The following RBFOX3 variants were observed in gnomAD, a reference collection of about 807,000 sequenced individuals.
The protein encoded by RBFOX3 is RNA binding protein fox-1 homolog 3.
In RBFOX3, 17 loss-of-function variants were observed where a neutral mutation model predicts 48.7. The observed-to-expected ratio is 0.35, with a 90% CI of 0.24 to 0.52. The LOEUF (loss-of-function observed/expected upper bound fraction) is 0.52. RBFOX3 is among the 20% of genes least tolerant of loss of function. RBFOX3 has a pLI of 0.94. For synonymous variants in RBFOX3, 212 were observed against 209.5 expected, an observed-to-expected ratio of 1.01 and a Z score of -0.10; for missense variants, 382 against 497.5, an observed-to-expected ratio of 0.77 and a Z score of 2.21.
Position 79,473,639 on chromosome 17 carries a change from C to A in RBFOX3, c.-175+8815G>T, listed in dbSNP as rs1246681928. Among the ~76,000 whole-genome samples, 7 of 152,188 alleles carry A rather than the reference C, an allele frequency of 4.6e-5. No homozygotes were observed. Among genetic ancestry groups the A allele is most frequent in the African/African-American group, 9.7e-5 (4 of 41,434 alleles). ...CCCATAATGTTGACATCCTGATGAA[C>A]CCCCGCTGGTGACGGCAGGTGGCCA... On this transcript the variant is annotated intron_variant, in intron 2 of 14. Transcript: ENST00000693108. The surrounding 1 kb of genome is among the most constrained non-coding windows in gnomAD (Gnocchi z 4.2).
chr17:79,571,174 G>T (rs2092665294), intron 1 of RBFOX3, among the ~76,000 whole-genome samples: 1 of 152,122 alleles, frequency 6.6e-6, no homozygotes, highest in Non-Finnish European at 1.5e-5. Context: ...GTAGCATCAG[G>T]CATTCAAGAT....
intron 2 of RBFOX3, among the ~76,000 whole-genome samples, chr17:79,322,541 C>T (rs111322018): frequency 6.6e-6 from 1 of 152,156 alleles, no homozygotes. Flanking sequence ...TGGAGAAGCT[C>T]GCTTTCACAG....
intron 1 of RBFOX3, among the ~76,000 whole-genome samples, chr17:79,582,782 CA>C (rs36155299): frequency 0.053 from 2,496 of 46,806 alleles, 23 homozygotes; most frequent in Admixed American, 0.11. Flanking sequence ...GACCCCGTCT[CA>C]AAAAAAAAAA....
At chr17:79,113,727 ACC>A (rs981657489) in intron 5 of RBFOX3, among the ~76,000 whole-genome samples, 1 of 152,160 alleles carries the variant, frequency 6.6e-6, no homozygotes, top group African/African-American at 2.4e-5. Flanking sequence ...GGCAAGCCAG[ACC>A]CAAGCCAGCC....
At chr17:79,093,791 C>CCACACACACACA (rs60453390) in intron 14 of RBFOX3, among the ~76,000 whole-genome samples, 1,451 of 143,908 alleles carry the variant, frequency 0.01, 13 homozygotes, top group Non-Finnish European at 0.015. Context: ...CAACAGCTGG[C>CCACACACACACA]CACACACACA....
rs781048287 is a variant in RBFOX3, at chr17:79,115,544, G to A, written c.172C>T (p.Pro58Ser). The A allele has an allele frequency of 7.4e-7, 1 of 1,342,364 alleles. No homozygotes were observed. The highest frequency in any genetic ancestry group is 9.6e-7 in the Non-Finnish European group (1 of 1,044,268). The allele number at this position is 1,342,364 out of a possible 1,614,324, so 83.2% of individuals were successfully genotyped here. A position where few individuals can be genotyped will look rare whatever the true frequency, so the allele number is the denominator to read the frequency against. Reference sequence around the variant, plus strand: ...GGCTGTGTGCTGGCCTCGGAGCCTGGCTGCTCGGGGTGGGTCTGTGCTGGT... The same window carrying A: ...GGCTGTGTGCTGGCCTCGGAGCCTGACTGCTCGGGGTGGGTCTGTGCTGGT... ...YTPAQTHPEQPGSEASTQPIA... is the reference protein window; with the variant it reads ...YTPAQTHPEQSGSEASTQPIA... Residue 58 changes from proline to serine, a missense_variant, in exon 5 of 15, where the codon CCA becomes TCA. By Grantham distance (74) the Pro-to-Ser change is moderately conservative. Around this residue, in one of 3 missense-constraint regions of RBFOX3, gnomAD observed 118 missense variants for 132.1 expected, o/e 0.89. Transcript: ENST00000693108.
the RBFOX3 span, among the ~76,000 whole-genome samples, chr17:79,631,384 G>A: frequency 6.6e-6 from 1 of 152,062 alleles, no homozygotes; most frequent in Non-Finnish European, 1.5e-5. Context: ...CAATTCACAC[G>A]GTGCACGGGC....
At chr17:79,546,148 T>A (rs2090400346) in intron 1 of RBFOX3, among the ~76,000 whole-genome samples, 1 of 152,158 alleles carries the variant, frequency 6.6e-6, no homozygotes, top group Non-Finnish European at 1.5e-5. Context: ...CCCCAGTAGT[T>A]TTCCATCTCC....
intron 4 of RBFOX3, among the ~76,000 whole-genome samples, chr17:79,138,798 T>C (rs1241289367): frequency 2.1e-3 from 45 of 21,170 alleles, no homozygotes; most frequent in African/African-American, 2.5e-3. Flanking sequence ...CACGCCCCCT[T>C]ACCCACACAC....
intron 6 of RBFOX3, among the ~76,000 whole-genome samples, 197 bp from the exon 7 acceptor site, chr17:79,104,323 G>A (rs890852579): frequency 3.9e-5 from 6 of 152,140 alleles, no homozygotes; most frequent in East Asian, 1.9e-4. Flanking sequence ...TGGAGAAGGC[G>A]ATGGTGGGGA....
chr17:79,568,547 C>T (rs923460401), intron 1 of RBFOX3, among the ~76,000 whole-genome samples: 1 of 152,152 alleles, frequency 6.6e-6, no homozygotes, highest in South Asian at 2.1e-4. Context: ...CAAACTTCTG[C>T]TGGTTCCCCT....
Position 79,172,614 on chromosome 17 carries a change from G to A in RBFOX3, c.-33-56866C>T, listed in dbSNP as rs1599796095. 3.3e-5 allele frequency among the ~76,000 whole-genome samples: 5 copies of A among 152,356 alleles called. 1 individual carries two copies. The highest frequency in any genetic ancestry group is 3.3e-4 in the Admixed American group (5 of 15,310). On this transcript the variant is annotated intron_variant, in intron 4 of 14. Coordinates refer to ENST00000693108, the MANE Select transcript of RBFOX3 (RefSeq NM_001350451.2). ...GCTGGCTCTCCTCACTGCAGGACCAGAGGGAGTATCAGAGCCCTAGAGTTG... is the reference window on the plus strand; with the variant it reads ...GCTGGCTCTCCTCACTGCAGGACCAAAGGGAGTATCAGAGCCCTAGAGTTG...
chr17:79,561,328 G>A (rs2144204879), intron 1 of RBFOX3, among the ~76,000 whole-genome samples: 1 of 152,260 alleles, frequency 6.6e-6, no homozygotes, highest in South Asian at 2.1e-4. Context: ...CAGCCGGCAA[G>A]CCCAGCTTCC....
intron 3 of RBFOX3, among the ~76,000 whole-genome samples, chr17:79,256,948 C>A (rs1231413740): frequency 3.8e-5 from 5 of 131,732 alleles, no homozygotes; most frequent in African/African-American, 7.7e-5. Context: ...CAAAACAAAA[C>A]AAAAAAAAAA....
chr17:79,601,541 G>A (rs1326453519), intron 1 of RBFOX3: 1 of 152,242 alleles, frequency 6.6e-6, no homozygotes, highest in East Asian at 1.9e-4. Context: ...ATTACCTAAA[G>A]ACTTCCTTTA....
At chr17:79,297,497 T>C (rs1000672787) in intron 3 of RBFOX3, among the ~76,000 whole-genome samples, 8 of 152,238 alleles carry the variant, frequency 5.3e-5, no homozygotes, top group African/African-American at 1.9e-4. Flanking sequence ...CCCCTTCCAA[T>C]CAGCAATCCC....
At chr17:79,470,286 G>A (rs1403952535) in intron 2 of RBFOX3, among the ~76,000 whole-genome samples, 3 of 152,242 alleles carry the variant, frequency 2.0e-5, no homozygotes, top group South Asian at 2.1e-4. Flanking sequence ...TCCTGGCCCC[G>A]GTGGCCAAAA....
intron 3 of RBFOX3, among the ~76,000 whole-genome samples, chr17:79,250,489 A>C (rs1376790588): frequency 6.6e-6 from 1 of 152,156 alleles, no homozygotes; most frequent in Non-Finnish European, 1.5e-5. Context: ...GGAGTTCCTG[A>C]TGAGGGCGCT....
intron 3 of RBFOX3, among the ~76,000 whole-genome samples, chr17:79,278,733 C>T (rs565696234): frequency 2.0e-5 from 3 of 152,364 alleles, no homozygotes; most frequent in Non-Finnish European, 4.4e-5. Context: ...CTGTCCAGGA[C>T]GAAGATGCAT....
Sources: allele counts gnomAD v4.1 joint callset (sites outside exome capture counted in the v4.1 genomes callset), GRCh38; gene constraint gnomAD v4.1.1; regional missense constraint gnomAD v4.1.1; non-coding constraint Gnocchi (gnomAD v3.1); transcripts MANE v1.5; gene names NCBI Gene and HGNC (gene_info 2026-07-23, HGNC 2026-07-21).